Variants in TATDN2 observed in about 807,000 individuals in gnomAD.
TATDN2 encodes the protein TatD DNase domain containing 2.
Under a neutral mutation model 60.3 loss-of-function variants are expected in TATDN2, and 44 were observed. The ratio of observed to expected loss-of-function variants is 0.73; its 90% confidence interval spans 0.57 to 0.94. The LOEUF (loss-of-function observed/expected upper bound fraction) is 0.94. TATDN2 is among the 40% of genes least tolerant of loss of function. The probability of loss-of-function intolerance (pLI) is 0.00; values close to 1 mark genes in which losing one functional copy is unlikely to be tolerated. For synonymous variants in TATDN2, 399 were observed against 355.8 expected (o/e 1.12, Z -1.37); for missense variants, 997 against 948.0 (o/e 1.05, Z -0.68).
intron 3 of TATDN2, among the ~76,000 whole-genome samples, chr3:10,264,935 C>T (rs1047813719): frequency 6.6e-6 from 1 of 151,332 alleles, no homozygotes; most frequent in Non-Finnish European, 1.5e-5. Flanking sequence ...CTCGGCCTCC[C>T]AAAGTGCTGG....
chr3:10,279,044 T>C lies in TATDN2; in HGVS notation c.*19T>C, dbSNP rs1291553053. 6.2e-7 allele frequency: 1 copy of C among 1,609,794 alleles called. No individual in the cohort carries two copies. The highest frequency in any genetic ancestry group is 1.3e-5 in the African/African-American group (1 of 74,628). ...TCTTTAAGCAGAGAAGGTACAGTCC[T>C]CGGGAGTCTCCTAGAAAAGGTCGTA... On this transcript the variant is annotated 3_prime_UTR_variant, in exon 7 of 8. Transcript: ENST00000448281.
chr3:10,273,644 A>G (rs1350577217), intron 4 of TATDN2, among the ~76,000 whole-genome samples: 1 of 152,006 alleles, frequency 6.6e-6, no homozygotes, highest in Non-Finnish European at 1.5e-5. Flanking sequence ...GGGCAAGATG[A>G]TAGGGTGACA....
intron 2 of TATDN2, among the ~76,000 whole-genome samples, chr3:10,252,164 A>AC: frequency 6.6e-6 from 1 of 150,658 alleles, no homozygotes; most frequent in East Asian, 2.0e-4. Context: ...AAAAAAAAAA[A>AC]AAAATTTTTT....
intron 7 of TATDN2, 77 bp from the exon 8 acceptor site, chr3:10,279,143 CA>C: frequency 1.5e-6 from 2 of 1,332,178 alleles, no homozygotes; most frequent in Non-Finnish European, 2.0e-6. Context: ...AGAATATAAA[CA>C]TAGTATGAGC....
At position 10,249,567 on chromosome 3, in the gene TATDN2, T is replaced by G; in HGVS notation, c.367T>G (p.Ser123Ala). The change falls in exon 2 of 8, where the codon TCT (serine) becomes GCT (alanine). Residue 123 changes from serine (S) to alanine (A), a missense_variant. Transcript: ENST00000448281. ...GGSPLRPANA[S>A]LEEMASLEEE... Reference sequence around the variant, plus strand: ...ATCCCCTCTGCGTCCTGCCAACGCCTCTTTGGAAGAAATGGCTTCTCTAGA... The same window carrying G: ...ATCCCCTCTGCGTCCTGCCAACGCCGCTTTGGAAGAAATGGCTTCTCTAGA... The G allele has an allele frequency of 6.5e-7, 1 of 1,547,548 alleles. No homozygotes were observed. The highest frequency in any genetic ancestry group is 8.7e-7 in the Non-Finnish European group (1 of 1,149,200).
intron 3 of TATDN2, among the ~76,000 whole-genome samples, chr3:10,265,576 G>A (rs965678822): frequency 3.2e-4 from 49 of 150,986 alleles, no homozygotes; most frequent in African/African-American, 1.2e-3. Flanking sequence ...CAGGTGCTGG[G>A]GAGGCTGAGG....
intron 5 of TATDN2, among the ~76,000 whole-genome samples, chr3:10,277,057 A>T (rs531961517): frequency 8.6e-5 from 13 of 151,164 alleles, no homozygotes; most frequent in Non-Finnish European, 1.9e-4. Flanking sequence ...CATCCTGGGG[A>T]TGGGCAGAAA....
intron 2 of TATDN2, among the ~76,000 whole-genome samples, chr3:10,256,170 A>T (rs1698305268): frequency 6.8e-6 from 1 of 147,166 alleles, no homozygotes; most frequent in African/African-American, 2.5e-5. Context: ...TATTACTATT[A>T]TTTTTTTTTT....
rs370339532 is a variant in TATDN2 at position 10,260,225 on chromosome 3, A to G, written c.503A>G (p.Asn168Ser). ...EGQNDTIEEP[N>S]KVQKRKRDRL... ...CAGAATGATACAATTGAGGAACCCA[A>G]CAAGGTCCAGAAAAGGAAGAGGGAT... is the stretch of plus-strand genomic sequence containing the variant. The change falls in exon 3 of 8, where the codon AAC becomes AGC. Residue 168 changes from asparagine (N) to serine (S), a missense_variant. Transcript: ENST00000448281. 1.2e-6 allele frequency: 2 copies of G among 1,614,208 alleles called. No homozygotes were observed. Among genetic ancestry groups the G allele is most frequent in the Non-Finnish European group, 8.5e-7 (1 of 1,180,032 alleles).
rs938581506 is a variant in TATDN2, at chr3:10,280,516, C to T, written c.*1334C>T. 3.9e-5 allele frequency: 6 copies of T among 153,924 alleles called. No individual in the cohort carries two copies. Among genetic ancestry groups the T allele is most frequent in the African/African-American group, 1.4e-4 (6 of 41,588 alleles). 9.5% of individuals were successfully genotyped at this position (153,924 alleles called of 1,614,324 possible). A position where few individuals can be genotyped will look rare whatever the true frequency, so the allele number is the denominator to read the frequency against. On this transcript the variant is annotated 3_prime_UTR_variant, in exon 8 of 8. Coordinates refer to ENST00000448281, the MANE Select transcript of TATDN2 (RefSeq NM_014760.4). ...GTGAGGTGGATAGATCACCTGGAGT[C>T]CCTCGTCTGTGGTCTTGGAGGCTTA... is the stretch of plus-strand genomic sequence containing the variant.
Position 10,248,829 on chromosome 3 carries a change from C to G in TATDN2, c.-245C>G, listed in dbSNP as rs1231303285. The G allele has an allele frequency of 1.0e-5, 2 of 192,970 alleles. No homozygotes were observed. The highest frequency in any genetic ancestry group is 1.2e-4 in the Admixed American group (2 of 16,246). 12.0% of individuals were successfully genotyped at this position (192,970 alleles called of 1,614,324 possible). ...CCATGTGGTCTTCTGAAGCGCTTGACAGTTCTAAAGGGCTTTATATTGCAA... is the reference window on the plus strand; with the variant it reads ...CCATGTGGTCTTCTGAAGCGCTTGAGAGTTCTAAAGGGCTTTATATTGCAA... On this transcript the variant is annotated 5_prime_UTR_variant, in exon 1 of 8. Coordinates refer to ENST00000448281, the MANE Select transcript of TATDN2 (RefSeq NM_014760.4).
In TATDN2 at chr3:10,260,657, T is replaced by C; in HGVS notation, c.935T>C (p.Leu312Ser). 1 of 1,612,766 alleles carries C rather than the reference T, an allele frequency of 6.2e-7. No individual in the cohort carries two copies. The change falls in exon 3 of 8, where the codon TTA (leucine) becomes TCA (serine). Residue 312 changes from leucine (L) to serine (S), a missense_variant. Leu to Ser is a moderately radical substitution (Grantham distance 145, BLOSUM62 -2). Transcript: ENST00000448281. ...TTCTTGGATGACTCTGACTCTCATT[T>C]AGAAATCCAAAAGGTGAGTAAAGCT... ...LEFLDDSDSH[L>S]EIQKHKDREV...
intron 2 of TATDN2, among the ~76,000 whole-genome samples, chr3:10,255,801 G>C (rs1698299380): frequency 1.3e-5 from 2 of 152,168 alleles, no homozygotes; most frequent in South Asian, 4.1e-4. Context: ...ATGTAGCTGG[G>C]TGTGGTAGCA....
intron 2 of TATDN2, among the ~76,000 whole-genome samples, chr3:10,257,841 A>ACTTTTTTTTTTTTTTTTTTTTTTTTTTT (rs1698334866): frequency 3.3e-5 from 1 of 30,260 alleles, no homozygotes; most frequent in Non-Finnish European, 7.0e-5. Context: ...AAGGTTTATG[A>ACTTTTTTTTTTTTTTTTTTTTTTTTTTT]TTTTTTTTTT....
chr3:10,255,261 G>A (rs972239911), intron 2 of TATDN2, among the ~76,000 whole-genome samples: 1 of 151,780 alleles, frequency 6.6e-6, no homozygotes, highest in African/African-American at 2.4e-5. Flanking sequence ...TGATCTGCCT[G>A]CCTCAGCCTC....
intron 4 of TATDN2, among the ~76,000 whole-genome samples, 168 bp downstream of exon 4, chr3:10,271,183 A>G (rs557360726): frequency 6.6e-6 from 1 of 152,346 alleles, no homozygotes; most frequent in South Asian, 2.1e-4. Flanking sequence ...CAAATGCTTT[A>G]CAAGCTATTT....
intron 3 of TATDN2, among the ~76,000 whole-genome samples, chr3:10,261,694 C>T (rs928524638): frequency 6.6e-6 from 1 of 152,194 alleles, no homozygotes; most frequent in African/African-American, 2.4e-5. Context: ...CTCGTCTCCA[C>T]CCATCCTTTA....
chr3:10,266,421 G>A (rs1698475190), intron 3 of TATDN2, among the ~76,000 whole-genome samples: 1 of 152,212 alleles, frequency 6.6e-6, no homozygotes, highest in Non-Finnish European at 1.5e-5. Context: ...TTTGGAGACA[G>A]CACAGTATGG....
rs1698680725 is a variant in TATDN2, at chr3:10,278,975, C to T, written c.2236C>T (p.Leu746Phe). 6.8e-6 allele frequency: 11 copies of T among 1,614,252 alleles called. No homozygotes were observed. Among genetic ancestry groups the T allele is most frequent in the African/African-American group, 1.3e-5 (1 of 75,078 alleles). ...IARVKDQPLSLTLAALRENTS... is the reference protein window; with the variant it reads ...IARVKDQPLSFTLAALRENTS... ...CAGAGTCAAAGATCAGCCACTCTCC[C>T]TCACCTTGGCTGCCTTGCGTGAGAA... Residue 746 changes from leucine (L) to phenylalanine (F), a missense_variant, in exon 7 of 8, where the codon CTC becomes TTC. Physicochemically the swap from Leu to Phe is conservative, Grantham distance 22 (BLOSUM62 0). Coordinates refer to ENST00000448281, the MANE Select transcript of TATDN2 (RefSeq NM_014760.4). The surrounding 1 kb of genome is among the most constrained non-coding windows in gnomAD (Gnocchi z 4.7).
Sources: allele counts gnomAD v4.1 joint callset (sites outside exome capture counted in the v4.1 genomes callset), GRCh38; gene constraint gnomAD v4.1.1; non-coding constraint Gnocchi (gnomAD v3.1); transcripts MANE v1.5; gene names NCBI Gene and HGNC (gene_info 2026-07-23, HGNC 2026-07-21).